SLC2A9: variants seen among roughly 807,000 people sequenced by gnomAD.
SLC2A9 encodes the protein solute carrier family 2, facilitated glucose transporter member 9.
A neutral mutation model predicts 50.6 loss-of-function variants in SLC2A9; 39 were observed. The ratio of observed to expected loss-of-function variants is 0.77; its 90% CI spans 0.60 to 1.01. The LOEUF is 1.01. SLC2A9 is among the 50% of genes least tolerant of loss of function. The probability of loss-of-function intolerance (pLI) is 0.00; values close to 1 mark genes in which losing one functional copy is unlikely to be tolerated. For missense variants in SLC2A9, 686 were observed against 677.6 expected, an observed-to-expected ratio of 1.01 and a Z score of -0.14; for synonymous variants, 324 against 276.9, an observed-to-expected ratio of 1.17 and a Z score of -1.69.
chr4:9,971,806 T>C (rs1002891706), intron 5 of SLC2A9, among the ~76,000 whole-genome samples: 7 of 152,212 alleles, frequency 4.6e-5, no homozygotes, highest in African/African-American at 1.7e-4. Flanking sequence ...GATTCTCATA[T>C]ACAGATGCCT....
intron 6 of SLC2A9, among the ~76,000 whole-genome samples, chr4:9,921,778 TATA>T (rs755231850): frequency 6.6e-6 from 1 of 152,358 alleles, no homozygotes; most frequent in Non-Finnish European, 1.5e-5. Context: ...ATGCATTAAG[TATA>T]ATATTTCTAC....
intron 10 of SLC2A9, chr4:9,880,466 C>T: frequency 2.0e-6 from 2 of 985,152 alleles, no homozygotes; most frequent in Non-Finnish European, 2.4e-6. Flanking sequence ...GCAGCATGTT[C>T]TACAGTCAAA....
chr4:9,929,179 TC>T (rs1457707724), intron 6 of SLC2A9, among the ~76,000 whole-genome samples: 1 of 152,216 alleles, frequency 6.6e-6, no homozygotes, highest in Non-Finnish European at 1.5e-5. Context: ...CGTATAACTA[TC>T]CCCTGAAGTA....
At chr4:9,782,797 C>A (rs1718653636) in intron 3 of SLC2A9, 1 of 1,613,784 alleles carries the variant, frequency 6.2e-7, no homozygotes, top group African/African-American at 1.3e-5. Context: ...AGGTGCAGAT[C>A]CGCAGGATTT....
intron 3 of SLC2A9, chr4:9,995,982 A>T (rs1758583140): frequency 6.6e-6 from 1 of 152,510 alleles, no homozygotes; most frequent in Non-Finnish European, 1.5e-5. Context: ...TGCTGTTGTT[A>T]TGAACAAGAA....
chr4:9,942,237 G>A (rs1052587476), intron 5 of SLC2A9, among the ~76,000 whole-genome samples, 192 bp from the exon 6 acceptor site: 4 of 152,222 alleles, frequency 2.6e-5, no homozygotes, highest in Admixed American at 1.3e-4. Flanking sequence ...TTCCATGCAT[G>A]AGTCCAGAGA....
At chr4:9,945,806 G>A (rs987628093) in intron 5 of SLC2A9, among the ~76,000 whole-genome samples, 1 of 152,170 alleles carries the variant, frequency 6.6e-6, no homozygotes, top group African/African-American at 2.4e-5. Flanking sequence ...CATTAGATGG[G>A]CATGGCCTGA....
downstream of SLC2A9, among the ~76,000 whole-genome samples, chr4:9,825,683 G>A (rs866853972): frequency 1.3e-5 from 2 of 152,188 alleles, no homozygotes; most frequent in Admixed American, 1.3e-4. Flanking sequence ...TTCTCTGTGA[G>A]CACACAGGAC....
intron 3 of SLC2A9, among the ~76,000 whole-genome samples, chr4:9,805,846 T>C (rs1300352500): frequency 6.6e-6 from 1 of 151,896 alleles, no homozygotes; most frequent in Non-Finnish European, 1.5e-5. Flanking sequence ...GTTCTAGGGG[T>C]TTTCCATGTA....
chr4:9,886,452 G>A (rs980339172), intron 10 of SLC2A9, among the ~76,000 whole-genome samples: 9 of 150,972 alleles, frequency 6.0e-5, no homozygotes, highest in Non-Finnish European at 1.3e-4. Context: ...GTGTGTGTGT[G>A]TGTGTGTGTG....
At chr4:9,880,560 G>A in intron 10 of SLC2A9, 1 of 985,370 alleles carries the variant, frequency 1.0e-6, no homozygotes, top group Non-Finnish European at 1.2e-6. Context: ...AAAAAACAGA[G>A]AAGGCTAAGC....
At chr4:9,844,582 G>C (rs1728650547) in intron 10 of SLC2A9, among the ~76,000 whole-genome samples, 1 of 152,200 alleles carries the variant, frequency 6.6e-6, no homozygotes, top group African/African-American at 2.4e-5. Flanking sequence ...CTTCATATGA[G>C]ACTTACTTTT....
chr4:9,904,347 C>A (rs543556593), intron 8 of SLC2A9, among the ~76,000 whole-genome samples: 3 of 152,178 alleles, frequency 2.0e-5, no homozygotes, highest in Admixed American at 6.5e-5. Flanking sequence ...CATTCCTGGG[C>A]GTGTGACCCC....
At chr4:9,943,629 C>T (rs1015969575) in intron 5 of SLC2A9, among the ~76,000 whole-genome samples, 1 of 152,110 alleles carries the variant, frequency 6.6e-6, no homozygotes, top group Non-Finnish European at 1.5e-5. Context: ...GAGCTGTATA[C>T]TTTAAAAGGA....
chr4:9,771,088 G>A (rs985669118), downstream of SLC2A9: 1 of 160,960 alleles, frequency 6.2e-6, no homozygotes, highest in Non-Finnish European at 1.4e-5. Flanking sequence ...AGTGAAGGGT[G>A]GTGTTTATAA....
At chr4:10,018,919 C>T (rs1426997595) in intron 2 of SLC2A9, 56 bp downstream of exon 2, 1 of 1,522,792 alleles carries the variant, frequency 6.6e-7, no homozygotes, top group Non-Finnish European at 8.9e-7. Context: ...CCCTTGCGCA[C>T]CCGAAGGTTT....
intron 7 of SLC2A9, among the ~76,000 whole-genome samples, chr4:9,910,642 C>T (rs966529799): frequency 1.3e-5 from 2 of 152,202 alleles, no homozygotes; most frequent in African/African-American, 4.8e-5. Flanking sequence ...TCCTGAGGCT[C>T]CCAGCCCTAG....
At chr4:9,927,425 G>T (rs375294557) in intron 6 of SLC2A9, among the ~76,000 whole-genome samples, 2 of 152,192 alleles carry the variant, frequency 1.3e-5, no homozygotes, top group Admixed American at 1.3e-4. Flanking sequence ...AGAACAACCC[G>T]GAGGCCTCTT....
chr4:9,928,006 G>T (rs1339389384), intron 6 of SLC2A9, among the ~76,000 whole-genome samples: 2 of 152,202 alleles, frequency 1.3e-5, no homozygotes, highest in African/African-American at 2.4e-5. Flanking sequence ...AGTAGTACAT[G>T]CCTGTATGTA....
Sources: gnomAD v4.1 joint callset for allele counts (sites outside exome capture counted in the v4.1 genomes callset) on GRCh38, gnomAD v4.1.1 for gene constraint, MANE v1.5 for transcripts, NCBI Gene and HGNC (gene_info 2026-07-23, HGNC 2026-07-21) for gene names.